Variants in RABEPK observed in about 807,000 individuals in gnomAD.
RABEPK encodes Rab9 effector protein with kelch motifs.
A neutral mutation model predicts 34.1 loss-of-function variants in RABEPK; 27 were observed. The observed-to-expected ratio is 0.79, with a 90% CI of 0.58 to 1.09. The LOEUF (loss-of-function observed/expected upper bound fraction) is 1.09, where lower values mean the gene tolerates loss of function less well. RABEPK is among the 50% of genes least tolerant of loss of function. RABEPK has a pLI of 0.00. For synonymous variants in RABEPK, 172 were observed against 169.2 expected, an observed-to-expected ratio of 1.02 and a Z score of -0.13; for missense variants, 449 against 462.6, an observed-to-expected ratio of 0.97 and a Z score of 0.27.
intron 7 of RABEPK, 90 bp downstream of exon 7, chr9:125,232,835 T>G: frequency 7.3e-7 from 1 of 1,365,192 alleles, no homozygotes; most frequent in East Asian, 2.6e-5. Context: ...CCCAGCACTT[T>G]GGGAGGCCGA....
At position 125,203,369 on chromosome 9, in the gene RABEPK, T is replaced by G. The variant is rs188845916; in HGVS notation, c.53+303T>G. On this transcript the variant is annotated intron_variant, in intron 2 of 7. Transcript: ENST00000373538. ...GAGCTCTGACTCATTTTTAAGATTT[T>G]TAGGAAATTAGATTTGGATTAAACT... Among the ~76,000 whole-genome samples, 51 of 152,336 alleles carry G rather than the reference T, an allele frequency of 3.3e-4. 1 individual carries two copies. Among genetic ancestry groups the G allele is most frequent in the Admixed American group, 3.3e-3 (51 of 15,284 alleles).
chr9:125,219,252 A>G (rs1211218482), intron 4 of RABEPK, among the ~76,000 whole-genome samples: 2 of 139,294 alleles, frequency 1.4e-5, no homozygotes, highest in African/African-American at 5.5e-5. Context: ...GCTAGAGTGC[A>G]ATGGCACGAT....
At chr9:125,224,454 CTTTTT>C (rs34504635) in intron 5 of RABEPK, among the ~76,000 whole-genome samples, 1 of 124,706 alleles carries the variant, frequency 8.0e-6, no homozygotes, top group Non-Finnish European at 1.7e-5. Flanking sequence ...TAGGTATTGT[CTTTTT>C]TTTTTTTTTT....
At chr9:125,219,803 G>A (rs1282426902) in intron 4 of RABEPK, among the ~76,000 whole-genome samples, 1 of 152,018 alleles carries the variant, frequency 6.6e-6, no homozygotes, top group Non-Finnish European at 1.5e-5. Context: ...AACTGCTGAG[G>A]TTACAGGTGT....
chr9:125,233,604 A>G (rs1309440161), intron 7 of RABEPK, 84 bp from the exon 8 acceptor site: 50 of 1,422,422 alleles, frequency 3.5e-5, no homozygotes, highest in Non-Finnish European at 4.7e-5. Context: ...GGCCTCCCAA[A>G]GTGCTGGGAT....
intron 2 of RABEPK, among the ~76,000 whole-genome samples, chr9:125,204,054 G>A (rs1370623757): frequency 1.4e-5 from 2 of 142,124 alleles, no homozygotes; most frequent in Admixed American, 7.1e-5. Context: ...AAAAAAAAAG[G>A]CCGGGCACGG....
chr9:125,222,073 C>G (rs1461528224), intron 5 of RABEPK: 1 of 151,610 alleles, frequency 6.6e-6, no homozygotes, highest in Non-Finnish European at 1.5e-5. Flanking sequence ...CTCTGCCTGC[C>G]CACCTCTGCC....
chr9:125,221,547 A>G (rs975768140), intron 5 of RABEPK: 1 of 152,132 alleles, frequency 6.6e-6, no homozygotes, highest in Non-Finnish European at 1.5e-5. Context: ...AAAAGTTTAA[A>G]CCATACAATT....
chr9:125,223,929 G>A lies in RABEPK; in HGVS notation c.526+3229G>A, dbSNP rs572726876. 3.9e-5 allele frequency among the ~76,000 whole-genome samples: 6 copies of A among 152,038 alleles called. No homozygotes were observed. In the East Asian group the frequency reaches 5.8e-4, roughly 15 times the overall value. ...AGGCTGGGCGCAGTGGCTCATGCCC[G>A]TAATCCTTTGGGAGGCCACTTTGGG... On this transcript the variant is annotated intron_variant, in intron 5 of 7. Transcript: ENST00000373538.
In RABEPK at chr9:125,200,876, T is replaced by G; in HGVS notation, c.-37T>G. On this transcript the variant is annotated 5_prime_UTR_variant, in exon 1 of 8. Transcript: ENST00000373538. ...GCCAGCCTAACTGAGCTCTGGACTT[T>G]GGGGACAGCTGTCAGTGGCCTAGGC... The G allele has an allele frequency of 2.1e-6, 1 of 471,134 alleles. No individual in the cohort carries two copies. The highest frequency in any genetic ancestry group is 1.5e-5 in the South Asian group (1 of 64,572). The allele number at this position is 471,134 out of a possible 1,614,324, so 29.2% of individuals were successfully genotyped here. A position where few individuals can be genotyped will look rare whatever the true frequency, so the allele number is the denominator to read the frequency against.
intron 5 of RABEPK, among the ~76,000 whole-genome samples, chr9:125,224,900 G>A (rs1178415701): frequency 2.6e-5 from 4 of 152,054 alleles, no homozygotes; most frequent in African/African-American, 9.7e-5. Flanking sequence ...GCCACATCAG[G>A]AGTCCCTGCT....
chr9:125,233,626 G>T (rs1374690792), intron 7 of RABEPK, 62 bp from the exon 8 acceptor site: 10 of 1,538,092 alleles, frequency 6.5e-6, no homozygotes, highest in Non-Finnish European at 8.9e-6. Flanking sequence ...ACAGGCGTGA[G>T]CCACCGTGCC....
Position 125,220,300 on chromosome 9 carries a change from A to C in RABEPK, c.365-239A>C, listed in dbSNP as rs1293357465. The C allele has an allele frequency of 4.9e-6, 7 of 1,417,804 alleles. No homozygotes were observed. In the African/African-American group the frequency reaches 1.0e-4, roughly 21 times the overall value. 87.8% of individuals were successfully genotyped at this position (1,417,804 alleles called of 1,614,324 possible). On this transcript the variant is annotated intron_variant, in intron 4 of 7. Transcript: ENST00000373538. ...TACAGGCATGAGCCACACTGCACCC[A>C]GCCTGACTCCATTCTTGTGCTTACA...
intron 5 of RABEPK, chr9:125,221,103 G>C (rs1831300005): frequency 6.5e-6 from 1 of 153,218 alleles, no homozygotes; most frequent in Non-Finnish European, 1.4e-5. Context: ...GGAAGTTTCA[G>C]TGAGCCAAGA....
At chr9:125,207,103 AAAG>A (rs1180427227) in intron 2 of RABEPK, among the ~76,000 whole-genome samples, 1 of 151,944 alleles carries the variant, frequency 6.6e-6, no homozygotes, top group Non-Finnish European at 1.5e-5. Context: ...AAAAAAAAAA[AAAG>A]AACCATTGCT....
Position 125,220,593 on chromosome 9 carries a change from C to T in RABEPK, c.419C>T (p.Thr140Ile), listed in dbSNP as rs1258922571. ...EVTSPPPSPR[T>I]FHTSSAAIGN... ...ACCAGCCCCCCACCATCCCCAAGAA[C>T]ATTCCACACATCATCGGCAGCCATT... The change falls in exon 5 of 8, where the codon ACA becomes ATA. Residue 140 changes from threonine (T) to isoleucine (I), a missense_variant. Coordinates refer to ENST00000373538, the MANE Select transcript of RABEPK (RefSeq NM_005833.4). The T allele has an allele frequency of 1.2e-6, 2 of 1,614,068 alleles. No individual in the cohort carries two copies. Among genetic ancestry groups the T allele is most frequent in the African/African-American group, 2.7e-5 (2 of 74,928 alleles).
chr9:125,215,205 G>GT (rs59272289), intron 4 of RABEPK, among the ~76,000 whole-genome samples: 92 of 146,040 alleles, frequency 6.3e-4, no homozygotes, highest in Admixed American at 1.4e-3. Flanking sequence ...AAATAGGTGG[G>GT]TTTTTTTTTT....
intron 4 of RABEPK, among the ~76,000 whole-genome samples, chr9:125,215,315 T>C (rs1249799737): frequency 6.9e-6 from 1 of 145,910 alleles, no homozygotes; most frequent in Non-Finnish European, 1.5e-5. Flanking sequence ...TGTTGGTAAC[T>C]TTTTTTTTTT....
chr9:125,208,631 G>T (rs1015087075), intron 3 of RABEPK, among the ~76,000 whole-genome samples: 1 of 152,008 alleles, frequency 6.6e-6, no homozygotes, highest in East Asian at 1.9e-4. Flanking sequence ...TGCCTTCCAG[G>T]TTCAAGCGAT....
Sources: allele counts gnomAD v4.1 joint callset (sites outside exome capture counted in the v4.1 genomes callset), GRCh38; gene constraint gnomAD v4.1.1; transcripts MANE v1.5; gene names NCBI Gene and HGNC (gene_info 2026-07-23, HGNC 2026-07-21).